The following DLGAP1 variants were observed in gnomAD, a reference collection of about 807,000 sequenced individuals.
DLGAP1 encodes disks large-associated protein 1.
A neutral mutation model predicts 90.8 loss-of-function variants in DLGAP1; 11 were observed. The ratio of observed to expected loss-of-function variants is 0.12; its 90% CI spans 0.08 to 0.20. The LOEUF is 0.20. DLGAP1 is among the 10% of genes least tolerant of loss of function. The pLI, the probability that DLGAP1 is intolerant of heterozygous loss-of-function variation, is 1.00. For missense variants in DLGAP1, 1,050 were observed against 1,333.8 expected (o/e 0.79, Z 3.31); for synonymous variants, 558 against 540.7 (o/e 1.03, Z -0.44).
chr18:4,135,810 G>T (rs944100039), intron 2 of DLGAP1, among the ~76,000 whole-genome samples: 3 of 83,108 alleles, frequency 3.6e-5, no homozygotes, highest in African/African-American at 8.9e-5. Context: ...TTTTTTTTAC[G>T]GCTGAATAGT....
At chr18:4,340,762 G>T (rs2081172116) in intron 1 of DLGAP1, among the ~76,000 whole-genome samples, 1 of 152,126 alleles carries the variant, frequency 6.6e-6, no homozygotes, top group Non-Finnish European at 1.5e-5. Context: ...ATATAAGAAT[G>T]TGGAAGATAT....
intron 3 of DLGAP1, among the ~76,000 whole-genome samples, chr18:3,923,305 T>A (rs999496852): frequency 6.6e-6 from 1 of 152,274 alleles, no homozygotes; most frequent in East Asian, 1.9e-4. Flanking sequence ...ATTTGATTTT[T>A]AAAAAATGAT....
chr18:3,567,631 T>C, intron 8 of DLGAP1, 50 bp from the exon 9 acceptor site: 1 of 1,509,052 alleles, frequency 6.6e-7, no homozygotes, highest in Non-Finnish European at 9.2e-7. Flanking sequence ...GTCATCTTGC[T>C]TGAAAAACAA....
intron 1 of DLGAP1, among the ~76,000 whole-genome samples, chr18:4,319,273 A>G (rs1329377972): frequency 6.6e-6 from 1 of 152,248 alleles, no homozygotes; most frequent in Non-Finnish European, 1.5e-5. Context: ...CTGGAACAAA[A>G]GAACAGTAAC....
chr18:4,266,102 C>T (rs2079126605), intron 1 of DLGAP1, among the ~76,000 whole-genome samples: 1 of 152,128 alleles, frequency 6.6e-6, no homozygotes, highest in Admixed American at 6.5e-5. Context: ...TTGTAGGATA[C>T]ACAAAAGATC....
intron 10 of DLGAP1, among the ~76,000 whole-genome samples, chr18:3,519,542 G>GTGATTTGGATGATAGTGT (rs2051046812): frequency 6.6e-6 from 1 of 152,220 alleles, no homozygotes; most frequent in Non-Finnish European, 1.5e-5. Context: ...GAACACTGCT[G>GTGATTTGGATGATAGTGT]TGATTTGGAT....
intron 1 of DLGAP1, among the ~76,000 whole-genome samples, chr18:4,186,609 C>A (rs1029467242): frequency 6.6e-6 from 1 of 152,042 alleles, no homozygotes; most frequent in African/African-American, 2.4e-5. Flanking sequence ...TATTTCTGGG[C>A]TGTCTATTCT....
intron 2 of DLGAP1, among the ~76,000 whole-genome samples, chr18:4,069,990 T>C (rs1255796917): frequency 6.9e-6 from 1 of 144,750 alleles, no homozygotes; most frequent in African/African-American, 2.7e-5. Flanking sequence ...CTTTCTTTCT[T>C]TTTTTTTTTT....
At chr18:4,295,400 A>C in intron 1 of DLGAP1, 1 of 152,284 alleles carries the variant, frequency 6.6e-6, no homozygotes, top group South Asian at 2.1e-4. Context: ...AAAATGGTTG[A>C]GTTGCACTGA....
At chr18:4,269,227 T>C (rs964343749) in intron 1 of DLGAP1, among the ~76,000 whole-genome samples, 1 of 151,074 alleles carries the variant, frequency 6.6e-6, no homozygotes, top group Non-Finnish European at 1.5e-5. Flanking sequence ...TTAATTTTCA[T>C]GTAATATTGA....
At chr18:4,064,527 A>G (rs2075344714) in intron 2 of DLGAP1, among the ~76,000 whole-genome samples, 1 of 151,714 alleles carries the variant, frequency 6.6e-6, no homozygotes, top group African/African-American at 2.4e-5. Context: ...CACTGACCCC[A>G]CAGAAATAGA....
At chr18:3,639,772 T>TTTTTTTTTA (rs2058859569) in intron 7 of DLGAP1, among the ~76,000 whole-genome samples, 1 of 146,790 alleles carries the variant, frequency 6.8e-6, no homozygotes, top group African/African-American at 2.6e-5. Context: ...TTTTTTTTTT[T>TTTTTTTTTA]GAGACAGAGT....
intron 3 of DLGAP1, among the ~76,000 whole-genome samples, chr18:3,895,321 A>AC (rs1555703472): frequency 3.2e-4 from 34 of 104,758 alleles, no homozygotes; most frequent in Admixed American, 7.4e-4. Flanking sequence ...ACACACACAC[A>AC]TCATCATCAT....
At chr18:4,395,622 G>T (rs1598350079) in intron 1 of DLGAP1, among the ~76,000 whole-genome samples, 1 of 152,012 alleles carries the variant, frequency 6.6e-6, no homozygotes, top group South Asian at 2.1e-4. Context: ...GGTGTTTTCT[G>T]GTAAAAGTAA....
chr18:3,949,930 T>C (rs1038048206), intron 3 of DLGAP1, among the ~76,000 whole-genome samples: 2 of 152,210 alleles, frequency 1.3e-5, no homozygotes, highest in Non-Finnish European at 2.9e-5. Context: ...CACAAATTCA[T>C]TTATATAAAT....
chr18:4,162,009 C>T (rs2076854119), intron 1 of DLGAP1, among the ~76,000 whole-genome samples: 1 of 152,118 alleles, frequency 6.6e-6, no homozygotes, highest in African/African-American at 2.4e-5. Flanking sequence ...GCCATTTTGT[C>T]ATTGTGTCTT....
intron 5 of DLGAP1, among the ~76,000 whole-genome samples, chr18:3,808,258 G>C (rs1208197856): frequency 1.3e-5 from 2 of 152,164 alleles, no homozygotes; most frequent in East Asian, 3.8e-4. Flanking sequence ...TATTATATTG[G>C]AAAGTGGGAG....
intron 1 of DLGAP1, among the ~76,000 whole-genome samples, chr18:4,226,302 A>AC (rs2078185862): frequency 6.6e-6 from 1 of 152,184 alleles, no homozygotes; most frequent in Non-Finnish European, 1.5e-5. Flanking sequence ...AAAGCTAAAG[A>AC]GAGTTCTTCA....
chr18:4,017,010 CCAGCAATATTTT>C (rs1253827877), intron 2 of DLGAP1, among the ~76,000 whole-genome samples: 2 of 152,128 alleles, frequency 1.3e-5, no homozygotes, highest in African/African-American at 4.8e-5. Context: ...CCTCATCTCC[CCAGCAATATTTT>C]CAGATGAATA....
Sources: allele counts gnomAD v4.1 joint callset (sites outside exome capture counted in the v4.1 genomes callset), GRCh38; gene constraint gnomAD v4.1.1; transcripts MANE v1.5; gene names NCBI Gene and HGNC (gene_info 2026-07-23, HGNC 2026-07-21).